CDKAL1: variants seen among roughly 807,000 people sequenced by gnomAD.
The protein encoded by CDKAL1 is threonylcarbamoyladenosine tRNA methylthiotransferase.
In CDKAL1, 32 loss-of-function variants were observed where a neutral mutation model predicts 68.2. The observed-to-expected ratio is 0.47, with a 90% confidence interval of 0.35 to 0.63. The LOEUF is 0.63. Among genes scored for constraint, CDKAL1 ranks in the 30% least tolerant of loss-of-function variants. The pLI is 0.00. For synonymous variants in CDKAL1, 234 were observed against 244.3 expected, an observed-to-expected ratio of 0.96 and a Z score of 0.39; for missense variants, 606 against 696.7, an observed-to-expected ratio of 0.87 and a Z score of 1.47.
At chr6:20,834,818 T>G (rs1581669476) in intron 8 of CDKAL1, among the ~76,000 whole-genome samples, 1 of 152,166 alleles carries the variant, frequency 6.6e-6, no homozygotes, top group Non-Finnish European at 1.5e-5. Flanking sequence ...AGTTAGAAAT[T>G]GGCATTATGG....
At chr6:20,875,305 CAAAAAA>C (rs58717424) in intron 9 of CDKAL1, among the ~76,000 whole-genome samples, 27 of 71,202 alleles carry the variant, frequency 3.8e-4, no homozygotes, top group Non-Finnish European at 4.7e-4. Context: ...GACTCCGTCT[CAAAAAA>C]AAAAAAAAAA....
rs144740773 is a variant in CDKAL1, at chr6:20,767,659, T to C, written c.517+9016T>C. Among the ~76,000 whole-genome samples the C allele has an allele frequency of 2.2e-3, 342 of 152,304 alleles. 3 individuals are homozygous for C. Among genetic ancestry groups the C allele is most frequent in the Middle Eastern group, 3.4e-3 (1 of 294 alleles). On this transcript the variant is annotated intron_variant, in intron 7 of 15. Coordinates refer to ENST00000274695, the MANE Select transcript of CDKAL1 (RefSeq NM_017774.3). ...ATTAGGTGTAGGATAAACTTTTCTT[T>C]AGTGATGTTATGGATCTTTTCTTAG...
At chr6:20,555,164 C>T (rs1225578449) in intron 4 of CDKAL1, among the ~76,000 whole-genome samples, 1 of 152,154 alleles carries the variant, frequency 6.6e-6, no homozygotes, top group Non-Finnish European at 1.5e-5. Context: ...CCATGGATTC[C>T]AGCAGACAAG....
intron 4 of CDKAL1, among the ~76,000 whole-genome samples, chr6:20,598,004 TTC>T (rs1471188187): frequency 6.6e-6 from 1 of 152,338 alleles, no homozygotes; most frequent in East Asian, 1.9e-4. Context: ...AGCCAACATT[TTC>T]TCTCTCTTTT....
intron 15 of CDKAL1, among the ~76,000 whole-genome samples, chr6:21,205,630 A>C (rs1433424585): frequency 1.3e-5 from 2 of 150,900 alleles, no homozygotes; most frequent in South Asian, 2.1e-4. Context: ...TCCTGGGTTC[A>C]CGCCATTCTC....
Position 20,583,824 on chromosome 6 carries a change from A to G in CDKAL1, c.286+35119A>G, listed in dbSNP as rs752300540. ...TTTCAGTCTGCTCTTGCAGAGAATCACTCCTCTCAACAATTTTTGCTACTT... is the reference window on the plus strand; with the variant it reads ...TTTCAGTCTGCTCTTGCAGAGAATCGCTCCTCTCAACAATTTTTGCTACTT... On this transcript the variant is annotated intron_variant, in intron 4 of 15. Transcript: ENST00000274695. 1.0e-4 allele frequency among the ~76,000 whole-genome samples: 15 copies of G among 145,630 alleles called. 1 individual carries two copies. In the South Asian group the frequency reaches 1.8e-3, roughly 17 times the overall value.
intron 10 of CDKAL1, among the ~76,000 whole-genome samples, chr6:20,971,040 G>C (rs1398659188): frequency 6.6e-6 from 1 of 152,064 alleles, no homozygotes; most frequent in East Asian, 1.9e-4. Context: ...GTAGAGACGG[G>C]GTTTCACTTT....
intron 8 of CDKAL1, among the ~76,000 whole-genome samples, chr6:20,782,426 T>C (rs752050310): frequency 2.0e-5 from 3 of 152,196 alleles, no homozygotes; most frequent in African/African-American, 7.2e-5. Flanking sequence ...ACCTCACATA[T>C]TCATTCTGTC....
intron 6 of CDKAL1, among the ~76,000 whole-genome samples, chr6:20,748,989 A>G (rs1773795899): frequency 7.4e-6 from 1 of 135,930 alleles, no homozygotes; most frequent in African/African-American, 2.9e-5. Context: ...ATATATATGT[A>G]TGTGTGTGTA....
At chr6:21,067,871 G>A (rs1771541809) in intron 12 of CDKAL1, among the ~76,000 whole-genome samples, 1 of 152,026 alleles carries the variant, frequency 6.6e-6, no homozygotes, top group Admixed American at 6.5e-5. Context: ...CCAGCTCTTG[G>A]TATTGTTACA....
intron 12 of CDKAL1, among the ~76,000 whole-genome samples, chr6:21,088,704 G>A (rs916797116): frequency 6.6e-6 from 1 of 152,184 alleles, no homozygotes; most frequent in Non-Finnish European, 1.5e-5. Context: ...CACTTTGGGA[G>A]GCTGAGGAGG....
chr6:20,879,894 T>C (rs1382448796), intron 9 of CDKAL1, among the ~76,000 whole-genome samples: 1 of 152,248 alleles, frequency 6.6e-6, no homozygotes, highest in African/African-American at 2.4e-5. Flanking sequence ...AGGTTCACTC[T>C]GACTGTCCAT....
chr6:20,698,938 AC>A (rs1055804166), intron 5 of CDKAL1, among the ~76,000 whole-genome samples: 4 of 152,218 alleles, frequency 2.6e-5, no homozygotes, highest in African/African-American at 9.6e-5. Flanking sequence ...TACAAATCAG[AC>A]CAATGAAAAG....
chr6:21,040,294 T>C (rs1238354750), intron 11 of CDKAL1, among the ~76,000 whole-genome samples: 1 of 152,150 alleles, frequency 6.6e-6, no homozygotes. Flanking sequence ...AAATGAAGTT[T>C]AAGGATGTTG....
intron 5 of CDKAL1, among the ~76,000 whole-genome samples, chr6:20,732,263 C>CTTTTTTTTTTTT (rs56911987): frequency 3.6e-3 from 300 of 83,492 alleles, no homozygotes; most frequent in African/African-American, 5.5e-3. Flanking sequence ...TTCTTTCTTT[C>CTTTTTTTTTTTT]TTTTTTTTTT....
intron 8 of CDKAL1, among the ~76,000 whole-genome samples, chr6:20,790,521 G>A (rs758159344): frequency 3.4e-4 from 52 of 152,146 alleles, no homozygotes; most frequent in African/African-American, 1.1e-3. Context: ...TGGATTTTTC[G>A]TGGCCACTTT....
intron 9 of CDKAL1, among the ~76,000 whole-genome samples, chr6:20,915,466 G>C (rs1762681121): frequency 6.6e-6 from 1 of 152,170 alleles, no homozygotes; most frequent in Non-Finnish European, 1.5e-5. Context: ...CTGAACTTTA[G>C]TCTTTTATCT....
chr6:20,825,463 A>G (rs1256706771), intron 8 of CDKAL1, among the ~76,000 whole-genome samples: 1 of 152,120 alleles, frequency 6.6e-6, no homozygotes, highest in Non-Finnish European at 1.5e-5. Context: ...CTGGCTTGTG[A>G]AAGATTATTA....
intron 11 of CDKAL1, among the ~76,000 whole-genome samples, chr6:21,038,146 A>G (rs771986500): frequency 6.6e-6 from 1 of 152,250 alleles, no homozygotes; most frequent in Non-Finnish European, 1.5e-5. Flanking sequence ...CAGCTTGGAA[A>G]GACCACTGAA....
Sources: gnomAD v4.1 joint callset for allele counts (sites outside exome capture counted in the v4.1 genomes callset) on GRCh38, gnomAD v4.1.1 for gene constraint, MANE v1.5 for transcripts, NCBI Gene and HGNC (gene_info 2026-07-23, HGNC 2026-07-21) for gene names.